Variants in ATP8B1 observed in about 807,000 individuals in gnomAD.
ATP8B1 encodes the protein ATPase phospholipid transporting 8B1.
Under a neutral mutation model 149.9 loss-of-function variants are expected in ATP8B1, and 80 were observed. The ratio of observed to expected loss-of-function variants is 0.53; its 90% CI spans 0.45 to 0.64. The LOEUF (loss-of-function observed/expected upper bound fraction) is 0.64, where lower values mean the gene tolerates loss of function less well. Among genes scored for constraint, ATP8B1 ranks in the 30% least tolerant of loss-of-function variants. The probability of loss-of-function intolerance (pLI) is 0.00; values close to 1 mark genes in which losing one functional copy is unlikely to be tolerated. For missense variants in ATP8B1, 1,247 were observed against 1,552.6 expected, an observed-to-expected ratio of 0.80 and a Z score of 3.31; for synonymous variants, 536 against 562.8, an observed-to-expected ratio of 0.95 and a Z score of 0.67.
chr18:57,745,031 A>C (rs2079952117), intron 1 of ATP8B1, among the ~76,000 whole-genome samples: 1 of 152,230 alleles, frequency 6.6e-6, no homozygotes, highest in Non-Finnish European at 1.5e-5. Context: ...AAGAATGACA[A>C]GTTGATGAAA....
rs558763031 is a variant in ATP8B1 at position 57,780,463 on chromosome 18, C to T, written c.-26+22535G>A. On this transcript the variant is annotated intron_variant, in intron 1 of 27. Coordinates refer to ENST00000648908, the MANE Select transcript of ATP8B1 (RefSeq NM_001374385.1). Reference sequence around the variant, plus strand: ...AGCTTCAGGAATTTCACAATTAAAACTATGGTGGGCTGGTTTCCAATTCAG... The same window carrying T: ...AGCTTCAGGAATTTCACAATTAAAATTATGGTGGGCTGGTTTCCAATTCAG... Among the ~76,000 whole-genome samples the T allele has an allele frequency of 7.2e-5, 11 of 152,264 alleles. No homozygotes were observed. In the East Asian group the frequency reaches 1.7e-3, roughly 24 times the overall value.
chr18:57,714,423 A>G (rs1051433026), intron 2 of ATP8B1, among the ~76,000 whole-genome samples: 19 of 152,216 alleles, frequency 1.2e-4, no homozygotes, highest in Non-Finnish European at 2.5e-4. Context: ...AGGCAGCCAG[A>G]TCATGGTTAC....
intron 2 of ATP8B1, among the ~76,000 whole-genome samples, chr18:57,729,549 C>CTTTTTTTTTTTTTTTTTTTTTT (rs71171074): frequency 1.2e-4 from 14 of 120,740 alleles, no homozygotes; most frequent in South Asian, 2.8e-4. Flanking sequence ...TTCTTTCTTT[C>CTTTTTTTTTTTTTTTTTTTTTT]TTTTTTTTTT....
chr18:57,714,376 G>C (rs1368515228), intron 2 of ATP8B1, among the ~76,000 whole-genome samples: 1 of 152,202 alleles, frequency 6.6e-6, no homozygotes, highest in African/African-American at 2.4e-5. Flanking sequence ...CTTGAAGCTA[G>C]CCTGGCTGGC....
intron 1 of ATP8B1, among the ~76,000 whole-genome samples, chr18:57,773,527 T>C (rs7228239): frequency 0.42 from 64,241 of 152,114 alleles, 14,093 homozygotes; most frequent in East Asian, 0.6. Context: ...TATTTGGCCC[T>C]GACATTCTAT....
chr18:57,786,595 TG>T (rs2080412570), intron 1 of ATP8B1, among the ~76,000 whole-genome samples: 1 of 152,176 alleles, frequency 6.6e-6, no homozygotes, highest in Non-Finnish European at 1.5e-5. Context: ...ATCTCCGAGA[TG>T]GTACCACCTA....
intron 2 of ATP8B1, among the ~76,000 whole-genome samples, chr18:57,721,925 A>G: frequency 1.6e-5 from 2 of 122,122 alleles, no homozygotes; most frequent in African/African-American, 7.1e-5. Flanking sequence ...ATCAAACTAG[A>G]ACTCAGGATT....
At chr18:57,766,053 CT>C (rs1300167195) in intron 1 of ATP8B1, among the ~76,000 whole-genome samples, 2 of 148,160 alleles carry the variant, frequency 1.3e-5, no homozygotes, top group Non-Finnish European at 3.0e-5. Flanking sequence ...CTTTTCTTTT[CT>C]TTTTTTGAGA....
intron 1 of ATP8B1, among the ~76,000 whole-genome samples, chr18:57,759,016 C>T (rs2080116060): frequency 1.3e-5 from 2 of 151,924 alleles, no homozygotes; most frequent in African/African-American, 4.8e-5. Context: ...ATTATCCGGG[C>T]GTGGTGGCAC....
rs779604395 is a variant in ATP8B1 at position 57,731,736 on chromosome 18, G to A, written c.72C>T (p.Tyr24=). 2.5e-6 allele frequency: 4 copies of A among 1,613,926 alleles called. No individual in the cohort carries two copies. Among genetic ancestry groups the A allele is most frequent in the African/African-American group, 2.7e-5 (2 of 74,870 alleles). ...GTTCATCTTCTGTTTCATCATCACTGTAGGGAACCACTTCGTCATTAGGCT... is the reference window on the plus strand; with the variant it reads ...GTTCATCTTCTGTTTCATCATCACTATAGGGAACCACTTCGTCATTAGGCT... ...DSQPNDEVVP[Y]SDDETEDELD... Residue 24 remains tyrosine, a synonymous_variant, in exon 2 of 28, where the codon TAC becomes TAT. Coordinates refer to ENST00000648908, the MANE Select transcript of ATP8B1 (RefSeq NM_001374385.1).
intron 22 of ATP8B1, among the ~76,000 whole-genome samples, chr18:57,657,062 G>C (rs1234358511): frequency 2.0e-5 from 3 of 151,984 alleles, no homozygotes; most frequent in Non-Finnish European, 4.4e-5. Context: ...CGTGTGCCAT[G>C]GTGGTTTGCT....
At chr18:57,733,622 C>A (rs971264165) in intron 1 of ATP8B1, among the ~76,000 whole-genome samples, 1 of 146,376 alleles carries the variant, frequency 6.8e-6, no homozygotes, top group African/African-American at 2.5e-5. Context: ...AGGAGAATGG[C>A]GTGAACCCGG....
Position 57,648,648 on chromosome 18 carries a change from C to G in ATP8B1, c.3596G>C (p.Arg1199Pro). Residue 1199 changes from arginine (R) to proline (P), a missense_variant, in exon 28 of 28, where the codon CGC (arginine) becomes CCC (proline). Coordinates refer to ENST00000648908, the MANE Select transcript of ATP8B1 (RefSeq NM_001374385.1). ...EQWQRRQQVFRRGVSTRRSAY... is the reference protein window; with the variant it reads ...EQWQRRQQVFPRGVSTRRSAY... ...CGAGCGCCGCGTTGACACGCCCCGG[C>G]GGAACACCTGCTGCCGTCGCTGCCA... The G allele has an allele frequency of 6.3e-7, 1 of 1,591,616 alleles. No homozygotes were observed. The highest frequency in any genetic ancestry group is 1.1e-5 in the South Asian group (1 of 88,710).
Position 57,661,402 on chromosome 18 carries a change from T to G in ATP8B1, c.2479A>C (p.Arg827=). The G allele has an allele frequency of 6.2e-7, 1 of 1,613,990 alleles. No individual in the cohort carries two copies. Among genetic ancestry groups the G allele is most frequent in the Non-Finnish European group, 8.5e-7 (1 of 1,179,982 alleles). ...CGCATCCGTCTTTCTTCTTCTGTTC[T>G]TGGGAACTTCAGCTTCAGAATCTTA... The part of the protein sequence containing the change: ...RNKILKLKFP[R]TEEERRMRTQ... The change falls in exon 22 of 28, where the codon AGA becomes CGA. Residue 827 remains arginine, a synonymous_variant. Transcript: ENST00000648908.
intron 20 of ATP8B1, among the ~76,000 whole-genome samples, chr18:57,666,008 T>G (rs965332013): frequency 6.6e-6 from 1 of 152,200 alleles, no homozygotes; most frequent in African/African-American, 2.4e-5. Flanking sequence ...CTAGAACAAC[T>G]AGAAAATGCT....
Position 57,652,551 on chromosome 18 carries a change from G to C in ATP8B1, c.3194C>G (p.Ala1065Gly). The C allele has an allele frequency of 6.2e-7, 1 of 1,614,188 alleles. No homozygotes were observed. The highest frequency in any genetic ancestry group is 8.5e-7 in the Non-Finnish European group (1 of 1,180,034). ...GGCAAAAGACTGGTAGTCGGAAGGTGCCTCTCCATCCTGCCCTACGGTTTG... is the reference window on the plus strand; with the variant it reads ...GGCAAAAGACTGGTAGTCGGAAGGTCCCTCTCCATCCTGCCCTACGGTTTG... ...YLQTVGQDGE[A>G]PSDYQSFAVT... Residue 1065 changes from alanine to glycine, a missense_variant, in exon 25 of 28, where the codon GCA (alanine) becomes GGA (glycine). Physicochemically the swap from Ala to Gly is moderately conservative, Grantham distance 60. Coordinates refer to ENST00000648908, the MANE Select transcript of ATP8B1 (RefSeq NM_001374385.1).
chr18:57,782,135 G>A (rs1179284386), intron 1 of ATP8B1, among the ~76,000 whole-genome samples: 1 of 152,260 alleles, frequency 6.6e-6, no homozygotes, highest in African/African-American at 2.4e-5. Flanking sequence ...GAAAGCTGCT[G>A]CAGTGAAATC....
At chr18:57,735,193 C>A in intron 1 of ATP8B1, 1 of 165,536 alleles carries the variant, frequency 6.0e-6, no homozygotes, top group South Asian at 1.7e-4. Flanking sequence ...TTTCGCTCGC[C>A]GTCCACCACT....
At chr18:57,688,268 A>ACC (rs1243438980) in intron 13 of ATP8B1, 31 bp downstream of exon 13, 1 of 1,604,354 alleles carries the variant, frequency 6.2e-7, no homozygotes, top group Admixed American at 1.7e-5. Flanking sequence ...AGCCCCACTC[A>ACC]CCCAGAAAAT....
Sources: allele counts gnomAD v4.1 joint callset (sites outside exome capture counted in the v4.1 genomes callset), GRCh38; gene constraint gnomAD v4.1.1; transcripts MANE v1.5; gene names NCBI Gene and HGNC (gene_info 2026-07-23, HGNC 2026-07-21).